The following SLC7A14 variants were observed in gnomAD, a reference collection of about 807,000 sequenced individuals.
SLC7A14 encodes solute carrier family 7 member 14, also known as gamma-aminobutyric acid transporter SLC7A14.
Under a neutral mutation model 60.2 loss-of-function variants are expected in SLC7A14, and 37 were observed. The observed-to-expected ratio is 0.61, with a 90% CI of 0.47 to 0.81. The LOEUF is 0.81. Ranked by LOEUF, SLC7A14 falls within the 30% of genes least tolerant of loss-of-function variation. The probability of loss-of-function intolerance (pLI) is 0.00; values close to 1 mark genes in which losing one functional copy is unlikely to be tolerated. For synonymous variants in SLC7A14, 399 were observed against 395.8 expected (o/e 1.01, Z -0.10); for missense variants, 886 against 982.7 (o/e 0.90, Z 1.32).
chr3:170,487,226 T>C (rs1398483426), intron 4 of SLC7A14, among the ~76,000 whole-genome samples: 1 of 146,950 alleles, frequency 6.8e-6, no homozygotes, highest in Non-Finnish European at 1.5e-5. Flanking sequence ...GAATGTATTA[T>C]ATATGTCAAA....
At chr3:170,471,090 G>GGT (rs113891859) in intron 7 of SLC7A14, among the ~76,000 whole-genome samples, 3,945 of 146,278 alleles carry the variant, frequency 0.027, 53 homozygotes, top group South Asian at 0.048. Flanking sequence ...TCTGGGAAGG[G>GGT]GTGTGTGTGT....
At chr3:170,518,200 G>C (rs780995904) in intron 2 of SLC7A14, among the ~76,000 whole-genome samples, 1 of 152,164 alleles carries the variant, frequency 6.6e-6, no homozygotes, top group African/African-American at 2.4e-5. Flanking sequence ...ACATGAAAGC[G>C]CCTTCCATGG....
intron 7 of SLC7A14, among the ~76,000 whole-genome samples, chr3:170,478,114 G>C (rs989218291): frequency 1.1e-4 from 17 of 151,946 alleles, no homozygotes; most frequent in African/African-American, 4.1e-4. Context: ...GTCTTGCTCT[G>C]TCTCCCAGGC....
rs1713531582 is a variant in SLC7A14, at chr3:170,527,068, C to T, written c.-132G>A. ...AAAGGCCCAGAGGGACCCAGTGCAG[C>T]CTTCTCCTGGGCATGAATGTCTGCA... is the stretch of plus-strand genomic sequence containing the variant. On this transcript the variant is annotated 5_prime_UTR_variant, in exon 2 of 8. Transcript: ENST00000231706. 2.1e-6 allele frequency: 2 copies of T among 936,030 alleles called. No individual in the cohort carries two copies. The highest frequency in any genetic ancestry group is 3.1e-6 in the Non-Finnish European group (2 of 642,252). 58.0% of individuals were successfully genotyped at this position (936,030 alleles called of 1,614,324 possible).
At chr3:170,521,487 A>G (rs1174841313) in intron 2 of SLC7A14, among the ~76,000 whole-genome samples, 1 of 152,250 alleles carries the variant, frequency 6.6e-6, no homozygotes, top group Non-Finnish European at 1.5e-5. Context: ...AGTATTTTTA[A>G]AAAGAGATAA....
At chr3:170,525,530 C>G (rs540778801) in intron 2 of SLC7A14, among the ~76,000 whole-genome samples, 2 of 152,020 alleles carry the variant, frequency 1.3e-5, no homozygotes, top group East Asian at 1.9e-4. Context: ...CTTGGGGGCT[C>G]GATGCCAGTT....
intron 1 of SLC7A14, among the ~76,000 whole-genome samples, chr3:170,549,928 CT>C (rs1485296571): frequency 6.6e-6 from 1 of 152,100 alleles, no homozygotes; most frequent in Non-Finnish European, 1.5e-5. Flanking sequence ...TGGGTGAAAG[CT>C]TTAGTCTAGG....
chr3:170,585,286 G>C lies in SLC7A14; in HGVS notation c.-153+625C>G, dbSNP rs904247981. Among the ~76,000 whole-genome samples the C allele has an allele frequency of 1.3e-5, 2 of 152,092 alleles. No homozygotes were observed. Among genetic ancestry groups the C allele is most frequent in the African/African-American group, 4.8e-5 (2 of 41,434 alleles). ...CCGTCACGTCCTCTTCGCCGCTCCCGGGAGAGTCACCACTCTCCGGGGACA... is the reference window on the plus strand; with the variant it reads ...CCGTCACGTCCTCTTCGCCGCTCCCCGGAGAGTCACCACTCTCCGGGGACA... On this transcript the variant is annotated intron_variant, in intron 1 of 7. Transcript: ENST00000231706. The surrounding 1 kb of genome is among the most constrained non-coding windows in gnomAD (Gnocchi z 5.1).
chr3:170,470,477 A>C (rs189542651), intron 7 of SLC7A14, among the ~76,000 whole-genome samples: 7 of 152,262 alleles, frequency 4.6e-5, no homozygotes, highest in African/African-American at 7.2e-5. Flanking sequence ...CTGGAGTTTC[A>C]AAGGTGTATC....
intron 1 of SLC7A14, among the ~76,000 whole-genome samples, chr3:170,568,000 C>G (rs1238782899): frequency 6.6e-6 from 1 of 152,068 alleles, no homozygotes; most frequent in Non-Finnish European, 1.5e-5. Context: ...TGTGCAGAAG[C>G]TCTTTAGTTT....
intron 1 of SLC7A14, among the ~76,000 whole-genome samples, chr3:170,578,114 T>C (rs1011164471): frequency 6.6e-6 from 1 of 152,228 alleles, no homozygotes; most frequent in African/African-American, 2.4e-5. Context: ...GGCTGACCTT[T>C]ATAGCATTAG....
Position 170,467,183 on chromosome 3 carries a change from A to G in SLC7A14, c.2188T>C (p.Tyr730His), listed in dbSNP as rs763167710. The G allele has an allele frequency of 1.2e-6, 2 of 1,614,250 alleles. No homozygotes were observed. Among genetic ancestry groups the G allele is most frequent in the Non-Finnish European group, 1.7e-6 (2 of 1,180,052 alleles). ...TTCGCATCTGACATCTGTTGGTAAT[A>G]GAAGCCTTTGTCTTCAGTGGGCCCG... The part of the protein sequence containing the change: ...WGGPTEDKGF[Y>H]YQQMSDAKAN... Residue 730 changes from tyrosine to histidine, a missense_variant, in exon 8 of 8, where the codon TAT (tyrosine) becomes CAT (histidine). Physicochemically the swap from Tyr to His is moderately conservative, Grantham distance 83. Coordinates refer to ENST00000231706, the MANE Select transcript of SLC7A14 (RefSeq NM_020949.3).
chr3:170,559,595 G>T (rs1186261638), intron 1 of SLC7A14, among the ~76,000 whole-genome samples: 4 of 152,192 alleles, frequency 2.6e-5, no homozygotes, highest in Non-Finnish European at 5.9e-5. Flanking sequence ...CATTATTCAA[G>T]AAAGAGATGT....
chr3:170,488,158 C>CACAATTCTCATAA (rs1349719101), intron 4 of SLC7A14, among the ~76,000 whole-genome samples: 2 of 152,178 alleles, frequency 1.3e-5, no homozygotes, highest in Non-Finnish European at 2.9e-5. Context: ...CATTTAAAAT[C>CACAATTCTCATAA]ACAATTCTCA....
intron 4 of SLC7A14, among the ~76,000 whole-genome samples, chr3:170,491,682 C>T (rs74734979): frequency 6.6e-6 from 1 of 151,966 alleles, no homozygotes; most frequent in Non-Finnish European, 1.5e-5. Flanking sequence ...CTAGAAGTAG[C>T]GGCCTTGTGG....
chr3:170,488,782 G>T (rs1257238017), intron 4 of SLC7A14, among the ~76,000 whole-genome samples: 1 of 152,184 alleles, frequency 6.6e-6, no homozygotes, highest in Non-Finnish European at 1.5e-5. Flanking sequence ...CAGGACATTG[G>T]TCTGGGCAAA....
chr3:170,538,399 A>G (rs148761760), intron 1 of SLC7A14, among the ~76,000 whole-genome samples: 2 of 152,344 alleles, frequency 1.3e-5, no homozygotes, highest in East Asian at 3.8e-4. Context: ...CATTGCACCC[A>G]AAGGAAATTT....
chr3:170,486,287 G>A lies in SLC7A14; in HGVS notation c.841C>T (p.Pro281Ser). 6.2e-7 allele frequency: 1 copy of A among 1,614,208 alleles called. No individual in the cohort carries two copies. Among genetic ancestry groups the A allele is most frequent in the Non-Finnish European group, 8.5e-7 (1 of 1,180,046 alleles). The part of the protein sequence containing the change: ...IATTGEEAKN[P>S]NTSIPYAITA... ...ATAGCATAAGGGATGGACGTGTTGGGATTCTTGGCTTCCTCTCCAGTGGTG... is the reference window on the plus strand; with the variant it reads ...ATAGCATAAGGGATGGACGTGTTGGAATTCTTGGCTTCCTCTCCAGTGGTG... Residue 281 changes from proline (P) to serine (S), a missense_variant, in exon 5 of 8, where the codon CCC (proline) becomes TCC (serine). Coordinates refer to ENST00000231706, the MANE Select transcript of SLC7A14 (RefSeq NM_020949.3).
At chr3:170,576,258 T>C (rs894905709) in intron 1 of SLC7A14, among the ~76,000 whole-genome samples, 2 of 152,208 alleles carry the variant, frequency 1.3e-5, no homozygotes, top group South Asian at 4.1e-4. Context: ...GAGGCAGGGA[T>C]TATGTCTCAT....
Sources: gnomAD v4.1 joint callset for allele counts (sites outside exome capture counted in the v4.1 genomes callset) on GRCh38, gnomAD v4.1.1 for gene constraint, Gnocchi (gnomAD v3.1) non-coding constraint, MANE v1.5 for transcripts, NCBI Gene and HGNC (gene_info 2026-07-23, HGNC 2026-07-21) for gene names.